Variants in MOV10 observed in about 807,000 individuals in gnomAD.
MOV10 encodes the protein Mov10 RNA helicase.
A neutral mutation model predicts 108.4 loss-of-function variants in MOV10; 39 were observed. That is an observed-to-expected ratio of 0.36 (90% CI 0.28 to 0.47). The LOEUF is 0.47. MOV10 is among the 20% of genes least tolerant of loss of function. The pLI is 1.00. For synonymous variants in MOV10, 490 were observed against 523.1 expected, an observed-to-expected ratio of 0.94 and a Z score of 0.86; for missense variants, 952 against 1,297.6, an observed-to-expected ratio of 0.73 and a Z score of 4.09.
At chr1:112,685,378 C>T (rs535057997) in intron 2 of MOV10, among the ~76,000 whole-genome samples, 64 of 151,932 alleles carry the variant, frequency 4.2e-4, no homozygotes, top group African/African-American at 1.5e-3. Flanking sequence ...GGATTACGGC[C>T]GGGCACGGTG....
rs750072129 is a variant in MOV10, at chr1:112,692,876, G to A, written c.1087G>A (p.Val363Met). 6.2e-7 allele frequency: 1 copy of A among 1,613,594 alleles called. No homozygotes were observed. The highest frequency in any genetic ancestry group is 1.1e-5 in the South Asian group (1 of 90,936). ...HDIRHYDLESVPMTWDPVDQN... is the reference protein window; with the variant it reads ...HDIRHYDLESMPMTWDPVDQN... Reference sequence around the variant, plus strand: ...TATCCGGCACTATGACCTGGAGTCGGTGCCCATGACCTGGGACCCTGTGGA... The same window carrying A: ...TATCCGGCACTATGACCTGGAGTCGATGCCCATGACCTGGGACCCTGTGGA... The change falls in exon 7 of 21, where the codon GTG becomes ATG. Residue 363 changes from valine (V) to methionine (M), a missense_variant. Val to Met is a conservative substitution (Grantham distance 21). Transcript: ENST00000369645.
chr1:112,700,307 C>A lies in MOV10; in HGVS notation c.2887C>A (p.Gln963Lys), dbSNP rs1257668068. The A allele has an allele frequency of 1.2e-6, 2 of 1,614,094 alleles. No individual in the cohort carries two copies. The highest frequency in any genetic ancestry group is 2.7e-5 in the African/African-American group (2 of 74,932). Residue 963 changes from glutamine to lysine, a missense_variant, in exon 20 of 21, where the codon CAA becomes AAA. By Grantham distance (53) the Gln-to-Lys change is moderately conservative. Around this residue, in one of 5 missense-constraint regions of MOV10, gnomAD observed 65 missense variants for 124.3 expected, o/e 0.52. Coordinates refer to ENST00000369645, the MANE Select transcript of MOV10 (RefSeq NM_001321324.2). ...LDLQQGQNLLQGLSKLSPSTS... is the reference protein window; with the variant it reads ...LDLQQGQNLLKGLSKLSPSTS... ...CCTGCAACAGGGACAGAATTTACTGCAAGGTCTGAGCAAGCTCAGCCCCTC... is the reference window on the plus strand; with the variant it reads ...CCTGCAACAGGGACAGAATTTACTGAAAGGTCTGAGCAAGCTCAGCCCCTC...
In MOV10 at chr1:112,696,218, G is replaced by C. The variant is rs375776210; in HGVS notation, c.1850G>C (p.Arg617Pro). 1.2e-6 allele frequency: 2 copies of C among 1,613,678 alleles called. No homozygotes were observed. The highest frequency in any genetic ancestry group is 1.7e-5 in the Admixed American group (1 of 59,990). Residue 617 changes from arginine to proline, a missense_variant, in exon 12 of 21, where the codon CGG (arginine) becomes CCG (proline). By Grantham distance (103) the Arg-to-Pro change is moderately radical. Coordinates refer to ENST00000369645, the MANE Select transcript of MOV10 (RefSeq NM_001321324.2). ...GCCAAGAAGAAGCTGCAGGAATACC[G>C]GGTCTTAATTACCACCCTCATCACT... is the stretch of plus-strand genomic sequence containing the variant. ...FPAKKKLQEYRVLITTLITAG... is the reference protein window; with the variant it reads ...FPAKKKLQEYPVLITTLITAG...
rs1672101579 is a variant in MOV10 at position 112,675,314 on chromosome 1, G to A, written c.137+265G>A. ...CTCCCGCGCTGCCCGCGCCCCCGGAGGCCGGAACCCGGGGCCGGGAGCTGC... is the reference window on the plus strand; with the variant it reads ...CTCCCGCGCTGCCCGCGCCCCCGGAAGCCGGAACCCGGGGCCGGGAGCTGC... On this transcript the variant is annotated intron_variant, in intron 2 of 20. Transcript: ENST00000369645. The surrounding 1 kb of genome is among the most constrained non-coding windows in gnomAD (Gnocchi z 4.7). 6.6e-6 allele frequency among the ~76,000 whole-genome samples: 1 copy of A among 152,094 alleles called. No individual in the cohort carries two copies. The highest frequency in any genetic ancestry group is 2.1e-4 in the South Asian group (1 of 4,836).
chr1:112,688,499 C>T, intron 2 of MOV10: 1 of 1,073,896 alleles, frequency 9.3e-7, no homozygotes, highest in Non-Finnish European at 1.1e-6. Context: ...ACAGGCTGGA[C>T]CCCACATCCA....
chr1:112,679,445 T>A (rs376783013), intron 2 of MOV10, among the ~76,000 whole-genome samples: 4 of 152,136 alleles, frequency 2.6e-5, no homozygotes, highest in South Asian at 4.1e-4. Flanking sequence ...TTTCTGTTGA[T>A]GTTATTGTAT....
At chr1:112,676,556 A>G (rs1293896661) in intron 2 of MOV10, among the ~76,000 whole-genome samples, 1 of 152,262 alleles carries the variant, frequency 6.6e-6, no homozygotes, top group Non-Finnish European at 1.5e-5. Flanking sequence ...CAGCAAAAAC[A>G]GCGGGGGATT....
At chr1:112,695,301 A>G (rs1673969746) in intron 10 of MOV10, 115 bp from the exon 11 acceptor site, 2 of 1,074,660 alleles carry the variant, frequency 1.9e-6, no homozygotes, top group East Asian at 2.4e-5. Context: ...AGGGCACTGC[A>G]TGAATCTTGG....
At position 112,696,255 on chromosome 1, in the gene MOV10, G is replaced by A; in HGVS notation, c.1883+4G>A. On this transcript the variant is annotated splice_donor_region_variant and intron_variant, in intron 12 of 20. Transcript: ENST00000369645. ...CCACCCTCATCACTGCCGGCAGGTGGGGAGTGTGTGTGGGTGTGTCTCTGA... is the reference window on the plus strand; with the variant it reads ...CCACCCTCATCACTGCCGGCAGGTGAGGAGTGTGTGTGGGTGTGTCTCTGA... 6.3e-7 allele frequency: 1 copy of A among 1,598,606 alleles called. No individual in the cohort carries two copies. Among genetic ancestry groups the A allele is most frequent in the Non-Finnish European group, 8.6e-7 (1 of 1,166,028 alleles).
chr1:112,698,160 C>A, intron 15 of MOV10, 49 bp downstream of exon 15: 1 of 1,597,706 alleles, frequency 6.3e-7, no homozygotes, highest in Non-Finnish European at 8.6e-7. Context: ...ACTTCCCTCC[C>A]ACTGAAGGTG....
intron 2 of MOV10, among the ~76,000 whole-genome samples, chr1:112,681,976 A>T (rs1570758046): frequency 6.6e-6 from 1 of 151,362 alleles, no homozygotes; most frequent in Non-Finnish European, 1.5e-5. Context: ...GCTCACTGCA[A>T]CCTCCGCCTC....
chr1:112,689,020 A>G lies in MOV10; in HGVS notation c.223A>G (p.Arg75Gly). 6.2e-7 allele frequency: 1 copy of G among 1,612,670 alleles called. No individual in the cohort carries two copies. Among genetic ancestry groups the G allele is most frequent in the Non-Finnish European group, 8.5e-7 (1 of 1,180,024 alleles). Reference sequence around the variant, plus strand: ...GGCCTACGTCACCAAGACTCGGGTCAGGTTCTTCAGACTCGACCGCTGGGC... The same window carrying G: ...GGCCTACGTCACCAAGACTCGGGTCGGGTTCTTCAGACTCGACCGCTGGGC... ...NLAYVTKTRV[R>G]FFRLDRWADV... is the part of the protein sequence containing the mutation. Residue 75 changes from arginine to glycine, a missense_variant, in exon 3 of 21, where the codon AGG becomes GGG. Coordinates refer to ENST00000369645, the MANE Select transcript of MOV10 (RefSeq NM_001321324.2).
At chr1:112,682,206 G>A (rs1421117709) in intron 2 of MOV10, among the ~76,000 whole-genome samples, 10 of 152,004 alleles carry the variant, frequency 6.6e-5, no homozygotes, top group Admixed American at 5.9e-4. Flanking sequence ...TGGGTTTTTT[G>A]TTGTTGTTGT....
intron 17 of MOV10, 33 bp from the exon 18 acceptor site, chr1:112,699,652 G>T (rs758171675): frequency 6.2e-7 from 1 of 1,613,824 alleles, no homozygotes; most frequent in East Asian, 2.2e-5. Context: ...GACACCCCTG[G>T]CTGGTCTCAG....
chr1:112,699,278 AG>A (rs1674406888), intron 17 of MOV10: 1 of 237,948 alleles, frequency 4.2e-6, no homozygotes, highest in South Asian at 7.7e-5. Flanking sequence ...ATATGCAGCC[AG>A]GGTTGAAAAC....
At chr1:112,683,979 C>CT (rs1311996265) in intron 2 of MOV10, among the ~76,000 whole-genome samples, 3 of 152,012 alleles carry the variant, frequency 2.0e-5, no homozygotes, top group Non-Finnish European at 2.9e-5. Context: ...GAGTCAGGGT[C>CT]TTGCTCTGTT....
In MOV10 at chr1:112,689,593, A is replaced by T. The variant is rs370341687; in HGVS notation, c.520A>T (p.Thr174Ser). ...CACTCACCTCTTCCCACTCTGCCGG[A>T]CACCCCAGTTTGCTTTCTACAATGA... ...TLTHLFPLCR[T>S]PQFAFYNEDQ... Residue 174 changes from threonine to serine, a missense_variant, in exon 4 of 21, where the codon ACA becomes TCA. Coordinates refer to ENST00000369645, the MANE Select transcript of MOV10 (RefSeq NM_001321324.2). The T allele has an allele frequency of 1.1e-5, 18 of 1,614,070 alleles. No homozygotes were observed. The African/African-American group carries it at 2.3e-4, about 20-fold the overall frequency.
chr1:112,684,815 G>A (rs1341144743), intron 2 of MOV10, among the ~76,000 whole-genome samples: 1 of 151,768 alleles, frequency 6.6e-6, no homozygotes, highest in Non-Finnish European at 1.5e-5. Context: ...ATACTCTTTT[G>A]GCCATCTGGA....
At position 112,691,673 on chromosome 1, in the gene MOV10, G is replaced by A. The variant is rs1673597126; in HGVS notation, c.845G>A (p.Gly282Asp). 1 of 1,613,910 alleles carries A rather than the reference G, an allele frequency of 6.2e-7. No homozygotes were observed. The highest frequency in any genetic ancestry group is 1.3e-5 in the African/African-American group (1 of 74,878). ...EEGERPDRAK[G>D]YDLELSMALG... ...TTCCCTCGATTCTGCAGCGCTAAGGGCTATGACCTGGAGTTAAGTATGGCG... is the reference window on the plus strand; with the variant it reads ...TTCCCTCGATTCTGCAGCGCTAAGGACTATGACCTGGAGTTAAGTATGGCG... The change falls in exon 6 of 21, where the codon GGC (glycine) becomes GAC (aspartate). Residue 282 changes from glycine (G) to aspartate (D), a missense_variant. Gly to Asp is a moderately conservative substitution (Grantham distance 94). This residue lies in a region of MOV10 where 374 missense variants were observed against 468.6 expected (regional missense o/e 0.80). Transcript: ENST00000369645.
Sources: allele counts gnomAD v4.1 joint callset (sites outside exome capture counted in the v4.1 genomes callset), GRCh38; gene constraint gnomAD v4.1.1; regional missense constraint gnomAD v4.1.1; non-coding constraint Gnocchi (gnomAD v3.1); transcripts MANE v1.5; gene names NCBI Gene and HGNC (gene_info 2026-07-23, HGNC 2026-07-21).